SUV39H2: variants seen among roughly 807,000 people sequenced by gnomAD.
SUV39H2 encodes the protein SUV39H2 histone lysine methyltransferase, also known as histone-lysine N-methyltransferase SUV39H2.
A neutral mutation model predicts 47.5 loss-of-function variants in SUV39H2; 10 were observed. That is an observed-to-expected ratio of 0.21 (90% CI 0.13 to 0.36). SUV39H2 has a LOEUF of 0.36. Ranked by LOEUF, SUV39H2 falls within the 10% of genes least tolerant of loss-of-function variation. The pLI is 1.00. For synonymous variants in SUV39H2, 159 were observed against 166.8 expected, an observed-to-expected ratio of 0.95 and a Z score of 0.36; for missense variants, 266 against 487.4, an observed-to-expected ratio of 0.55 and a Z score of 4.28.
chr10:14,884,612 C>T (rs1234695706), intron 2 of SUV39H2, among the ~76,000 whole-genome samples: 1 of 152,100 alleles, frequency 6.6e-6, no homozygotes, highest in Non-Finnish European at 1.5e-5. Context: ...GTTGTCTTTC[C>T]ACTTCCCATT....
intron 4 of SUV39H2, among the ~76,000 whole-genome samples, chr10:14,900,073 G>A (rs1008688782): frequency 1.3e-5 from 2 of 152,164 alleles, no homozygotes; most frequent in Non-Finnish European, 2.9e-5. Flanking sequence ...ATGTACAACT[G>A]AAGGTAAATG....
intron 5 of SUV39H2, among the ~76,000 whole-genome samples, chr10:14,901,801 C>T (rs1318979124): frequency 6.6e-6 from 1 of 151,720 alleles, no homozygotes; most frequent in Non-Finnish European, 1.5e-5. Flanking sequence ...CCACTGCACT[C>T]CAGCCTGGAC....
chr10:14,902,129 G>A (rs1236408967), intron 5 of SUV39H2, among the ~76,000 whole-genome samples: 1 of 152,052 alleles, frequency 6.6e-6, no homozygotes, highest in African/African-American at 2.4e-5. Flanking sequence ...AATCCTTTCT[G>A]ACAAATATGG....
chr10:14,878,928 G>T lies in SUV39H2; in HGVS notation c.31+9G>T. On this transcript the variant is annotated intron_variant, in intron 1 of 5. Coordinates refer to ENST00000354919, the MANE Select transcript of SUV39H2 (RefSeq NM_001193424.2). Reference sequence around the variant, plus strand: ...GGCCGAGGCGCGAGGAGGTGAGGCTGGAGCGCGGCCCCCTCGCCTTCCCTG... The same window carrying T: ...GGCCGAGGCGCGAGGAGGTGAGGCTTGAGCGCGGCCCCCTCGCCTTCCCTG... The T allele has an allele frequency of 6.8e-7, 1 of 1,469,044 alleles. No homozygotes were observed. Among genetic ancestry groups the T allele is most frequent in the African/African-American group, 1.5e-5 (1 of 68,580 alleles). The allele number at this position is 1,469,044 out of a possible 1,614,324, so 91.0% of individuals were successfully genotyped here. A position where few individuals can be genotyped will look rare whatever the true frequency, so the allele number is the denominator to read the frequency against.
chr10:14,884,668 T>A (rs1003454048), intron 2 of SUV39H2, among the ~76,000 whole-genome samples: 1 of 152,184 alleles, frequency 6.6e-6, no homozygotes, highest in Non-Finnish European at 1.5e-5. Flanking sequence ...TCAGTGACCT[T>A]TTAGTCGTCA....
rs1834107292 is a variant in SUV39H2, at chr10:14,902,696, A to G, written c.*184A>G. ...AAAAGGGGGTCACTGGGTCTCATAG[A>G]CTGATATGAAGTCGACATATTTATA... On this transcript the variant is annotated 3_prime_UTR_variant, in exon 6 of 6. Coordinates refer to ENST00000354919, the MANE Select transcript of SUV39H2 (RefSeq NM_001193424.2). The G allele has an allele frequency of 2.1e-6, 1 of 465,754 alleles. No homozygotes were observed. Among genetic ancestry groups the G allele is most frequent in the African/African-American group, 2.0e-5 (1 of 50,852 alleles). The allele number at this position is 465,754 out of a possible 1,614,324, so 28.9% of individuals were successfully genotyped here.
intron 2 of SUV39H2, among the ~76,000 whole-genome samples, chr10:14,895,745 A>G (rs1040753897): frequency 1.3e-5 from 2 of 152,238 alleles, no homozygotes; most frequent in African/African-American, 4.8e-5. Flanking sequence ...TGCAGATGCC[A>G]TTCAACATCT....
At position 14,881,605 on chromosome 10, in the gene SUV39H2, A is replaced by C; in HGVS notation, c.137A>C (p.Asn46Thr). 2 of 1,601,632 alleles carry C rather than the reference A, an allele frequency of 1.2e-6. No homozygotes were observed. Among genetic ancestry groups the C allele is most frequent in the South Asian group, 2.3e-5 (2 of 88,360 alleles). Residue 46 changes from asparagine (N) to threonine (T), a missense_variant, in exon 2 of 6, where the codon AAT becomes ACT. Transcript: ENST00000354919. ...GGAATCACCAAAAGGAATCTAAACA[A>C]TTATGAGGTGGAATACTTGTGTGAC... is the stretch of plus-strand genomic sequence containing the variant. Reference protein sequence around the residue: ...SIGITKRNLNNYEVEYLCDYK... With the variant: ...SIGITKRNLNTYEVEYLCDYK...
intron 1 of SUV39H2, among the ~76,000 whole-genome samples, chr10:14,879,546 C>A (rs897469690): frequency 3.3e-5 from 5 of 152,104 alleles, no homozygotes; most frequent in African/African-American, 1.2e-4. Flanking sequence ...AACTCTTTCA[C>A]CCACCGGGAG....
At chr10:14,887,870 A>T (rs2131679670) in intron 2 of SUV39H2, among the ~76,000 whole-genome samples, 1 of 152,354 alleles carries the variant, frequency 6.6e-6, no homozygotes, top group Middle Eastern at 3.4e-3. Flanking sequence ...TCCCTGAGGA[A>T]CTGATGTTTC....
intron 2 of SUV39H2, among the ~76,000 whole-genome samples, chr10:14,892,075 A>G (rs11593169): frequency 6.6e-6 from 1 of 152,218 alleles, no homozygotes; most frequent in African/African-American, 2.4e-5. Flanking sequence ...GAGTGTCTCC[A>G]TCGTGTAAGT....
At chr10:14,891,092 G>C (rs1272723572) in intron 2 of SUV39H2, among the ~76,000 whole-genome samples, 1 of 152,210 alleles carries the variant, frequency 6.6e-6, no homozygotes, top group African/African-American at 2.4e-5. Context: ...AAAAGGAGTT[G>C]ATGGTGATCA....
At chr10:14,884,193 G>T (rs1339106702) in intron 2 of SUV39H2, among the ~76,000 whole-genome samples, 1 of 152,170 alleles carries the variant, frequency 6.6e-6, no homozygotes, top group Non-Finnish European at 1.5e-5. Context: ...GGTATATAAC[G>T]AGGAGTGGAA....
At chr10:14,879,087 C>T in intron 1 of SUV39H2, 168 bp downstream of exon 1, 8 of 1,279,762 alleles carry the variant, frequency 6.3e-6, no homozygotes, top group Non-Finnish European at 7.9e-6. Flanking sequence ...TCCCCCAGGC[C>T]GCTGACCCGC....
Position 14,879,281 on chromosome 10 carries a change from C to T in SUV39H2, c.31+362C>T, listed in dbSNP as rs924686106. 2.6e-5 allele frequency among the ~76,000 whole-genome samples: 4 copies of T among 152,328 alleles called. No homozygotes were observed. In the South Asian group the frequency reaches 6.2e-4, roughly 24 times the overall value. ...GGAGGTCCGGGGGGCACGGCTGCGA[C>T]TGGCTCCTTTGTGGTGGTTCGAGCG... On this transcript the variant is annotated intron_variant, in intron 1 of 5. Transcript: ENST00000354919.
chr10:14,891,585 A>T (rs1255440166), intron 2 of SUV39H2, among the ~76,000 whole-genome samples: 1 of 152,202 alleles, frequency 6.6e-6, no homozygotes, highest in Non-Finnish European at 1.5e-5. Flanking sequence ...GGCCTGAAGT[A>T]ACTAACCCTA....
rs368424462 is a variant in SUV39H2, at chr10:14,893,487, A to G, written c.178-3359A>G. ...CACTGGGATTCCATTTCTATAGGTA[A>G]TCAAGAGTTGATTACATATCAGAAT... On this transcript the variant is annotated intron_variant, in intron 2 of 5. Transcript: ENST00000354919. Among the ~76,000 whole-genome samples, 16 of 152,306 alleles carry G rather than the reference A, an allele frequency of 1.1e-4. 2 individuals carry two copies. The highest frequency in any genetic ancestry group is 3.6e-4 in the African/African-American group (15 of 41,566).
At chr10:14,897,618 T>G (rs897993170) in intron 3 of SUV39H2, 101 bp downstream of exon 3, 1 of 1,013,164 alleles carries the variant, frequency 9.9e-7, no homozygotes, top group Non-Finnish European at 1.3e-6. Flanking sequence ...TACATTTTGA[T>G]ATTTTCATTT....
rs1004359104 is a variant in SUV39H2 at position 14,903,827 on chromosome 10, C to A, written c.*1315C>A. ...AGCTCATTGCTCCAGGCTTTGATTA[C>A]CTAAAATAAGCTTGGATAAAATTGA... On this transcript the variant is annotated 3_prime_UTR_variant, in exon 6 of 6. Transcript: ENST00000354919. 2.0e-5 allele frequency: 3 copies of A among 152,128 alleles called. No homozygotes were observed. The highest frequency in any genetic ancestry group is 7.2e-5 in the African/African-American group (3 of 41,418). 9.4% of individuals were successfully genotyped at this position (152,128 alleles called of 1,614,324 possible).
Sources: allele counts gnomAD v4.1 joint callset (sites outside exome capture counted in the v4.1 genomes callset), GRCh38; gene constraint gnomAD v4.1.1; transcripts MANE v1.5; gene names NCBI Gene and HGNC (gene_info 2026-07-23, HGNC 2026-07-21).